The following RAD51B variants were observed in gnomAD, a reference collection of about 807,000 sequenced individuals.
The protein encoded by RAD51B is RAD51 paralog B, also known as DNA repair protein RAD51 homolog 2.
In RAD51B, 38 loss-of-function variants were observed where a neutral mutation model predicts 42.2. That is an observed-to-expected ratio of 0.90 (90% CI 0.70 to 1.18). RAD51B has a LOEUF of 1.18. Ranked by LOEUF, RAD51B falls within the 50% of genes most tolerant of loss-of-function variation. The pLI, the probability that RAD51B is intolerant of heterozygous loss-of-function variation, is 0.00. For missense variants in RAD51B, 373 were observed against 400.7 expected (o/e 0.93, Z 0.59); for synonymous variants, 154 against 145.2 (o/e 1.06, Z -0.43).
chr14:68,431,000 C>T (rs192351025), intron 9 of RAD51B, among the ~76,000 whole-genome samples: 272 of 152,140 alleles, frequency 1.8e-3, no homozygotes, highest in African/African-American at 6.3e-3. Flanking sequence ...CTGCATCTAC[C>T]GATATAATCA....
At chr14:67,837,852 T>A (rs1279804106) in intron 4 of RAD51B, among the ~76,000 whole-genome samples, 5 of 152,210 alleles carry the variant, frequency 3.3e-5, no homozygotes, top group African/African-American at 9.6e-5. Flanking sequence ...TAAATTGTTG[T>A]AAATTATAGT....
Position 68,089,274 on chromosome 14 carries a change from G to A in RAD51B, c.756+202070G>A, listed in dbSNP as rs949712884. ...CCAGCTACTGAACACAAAGGCTGAC[G>A]GTGTTGTCCCTCCTGGTAATGTACT... On this transcript the variant is annotated intron_variant, in intron 7 of 10. Transcript: ENST00000471583. 1.2e-4 allele frequency among the ~76,000 whole-genome samples: 19 copies of A among 152,094 alleles called. 1 individual carries two copies. The highest frequency in any genetic ancestry group is 1.5e-5 in the Non-Finnish European group (1 of 68,022).
At chr14:68,068,111 T>A (rs1300290393) in intron 7 of RAD51B, among the ~76,000 whole-genome samples, 3 of 152,064 alleles carry the variant, frequency 2.0e-5, no homozygotes, top group Non-Finnish European at 4.4e-5. Context: ...AATTTTTAGA[T>A]CAATGAAAAC....
intron 7 of RAD51B, among the ~76,000 whole-genome samples, chr14:68,162,367 A>G (rs905554719): frequency 2.0e-5 from 3 of 152,200 alleles, no homozygotes; most frequent in African/African-American, 7.2e-5. Context: ...TTTTTCTTAA[A>G]ATAGAAATCT....
chr14:67,916,888 G>A (rs1389788089), intron 7 of RAD51B, among the ~76,000 whole-genome samples: 3 of 152,144 alleles, frequency 2.0e-5, no homozygotes, highest in Admixed American at 6.5e-5. Flanking sequence ...GGTAGAGGAC[G>A]GAGGATGGGG....
At chr14:68,285,081 C>T (rs1444105870) in intron 7 of RAD51B, among the ~76,000 whole-genome samples, 1 of 152,144 alleles carries the variant, frequency 6.6e-6, no homozygotes, top group Non-Finnish European at 1.5e-5. Context: ...GGGCAGACAC[C>T]GTCATGGTTG....
chr14:67,964,493 T>C (rs984252380), intron 7 of RAD51B, among the ~76,000 whole-genome samples: 2 of 152,188 alleles, frequency 1.3e-5, no homozygotes, highest in African/African-American at 4.8e-5. Flanking sequence ...TATTTAGTTA[T>C]GATTTCAACA....
intron 10 of RAD51B, among the ~76,000 whole-genome samples, chr14:68,476,721 C>T (rs1882646943): frequency 6.6e-6 from 1 of 152,182 alleles, no homozygotes; most frequent in African/African-American, 2.4e-5. Context: ...TCTGTTTCCT[C>T]ACACATGCCA....
chr14:67,976,772 A>G, intron 7 of RAD51B, among the ~76,000 whole-genome samples: 1 of 152,218 alleles, frequency 6.6e-6, no homozygotes. Flanking sequence ...ATCAGAGTGA[A>G]CAGGCATCGT....
chr14:68,250,119 G>A (rs1202417531), intron 7 of RAD51B, among the ~76,000 whole-genome samples: 1 of 152,186 alleles, frequency 6.6e-6, no homozygotes, highest in African/African-American at 2.4e-5. Flanking sequence ...CTGAACTTTA[G>A]TCTGGCTTGG....
At chr14:68,014,537 A>T (rs1195937884) in intron 7 of RAD51B, among the ~76,000 whole-genome samples, 1 of 152,068 alleles carries the variant, frequency 6.6e-6, no homozygotes, top group Non-Finnish European at 1.5e-5. Context: ...AGTGTTTAAC[A>T]TCTTTTTTGA....
At chr14:68,430,421 C>T (rs2084972112) in intron 9 of RAD51B, among the ~76,000 whole-genome samples, 1 of 152,190 alleles carries the variant, frequency 6.6e-6, no homozygotes, top group East Asian at 1.9e-4. Context: ...TCTTTTATTT[C>T]ATTGACCAGT....
At position 68,151,607 on chromosome 14, in the gene RAD51B, G is replaced by GTT. The variant is rs200584277; in HGVS notation, c.757-140272_757-140271dup. Among the ~76,000 whole-genome samples the GTT allele has an allele frequency of 3.7e-3, 553 of 151,192 alleles. 1 individual carries two copies. Among genetic ancestry groups the GTT allele is most frequent in the Middle Eastern group, 6.8e-3 (2 of 294 alleles). On this transcript the variant is annotated intron_variant, in intron 7 of 10. Transcript: ENST00000471583. ...CCCACAGCTCCATTCATTTTTCTTG[G>GTT]TTTTTTGTGTGTGTGTGTGTGTGTT... is the stretch of plus-strand genomic sequence containing the variant.
intron 7 of RAD51B, among the ~76,000 whole-genome samples, chr14:68,028,555 G>A (rs956319290): frequency 6.6e-6 from 1 of 152,158 alleles, no homozygotes; most frequent in Non-Finnish European, 1.5e-5. Flanking sequence ...CACAGCCCTG[G>A]GGTGCCGGGA....
At chr14:68,089,038 T>G (rs2077046708) in intron 7 of RAD51B, among the ~76,000 whole-genome samples, 2 of 152,206 alleles carry the variant, frequency 1.3e-5, no homozygotes, top group African/African-American at 4.8e-5. Flanking sequence ...CTCATCATTT[T>G]CTGCTTTTCA....
chr14:68,419,686 C>T (rs1252574273), intron 9 of RAD51B, among the ~76,000 whole-genome samples: 2 of 152,208 alleles, frequency 1.3e-5, no homozygotes, highest in African/African-American at 2.4e-5. Flanking sequence ...TCCCTAGTCC[C>T]CATCTTCATA....
chr14:68,069,519 T>C (rs918169395), intron 7 of RAD51B: 2 of 152,156 alleles, frequency 1.3e-5, no homozygotes, highest in African/African-American at 4.8e-5. Flanking sequence ...CCCCCACTTA[T>C]AAGTGAGAAC....
intron 9 of RAD51B, among the ~76,000 whole-genome samples, chr14:68,455,784 G>A (rs2085670819): frequency 6.6e-6 from 1 of 152,096 alleles, no homozygotes; most frequent in Non-Finnish European, 1.5e-5. Flanking sequence ...GTAGGTAAAT[G>A]CAAAAGACAA....
At chr14:68,229,170 G>C (rs1402319001) in intron 7 of RAD51B, among the ~76,000 whole-genome samples, 1 of 152,182 alleles carries the variant, frequency 6.6e-6, no homozygotes, top group Non-Finnish European at 1.5e-5. Flanking sequence ...TTGTAAACAA[G>C]CTTCTCTAGA....
Sources: allele counts gnomAD v4.1 joint callset (sites outside exome capture counted in the v4.1 genomes callset), GRCh38; gene constraint gnomAD v4.1.1; transcripts MANE v1.5; gene names NCBI Gene and HGNC (gene_info 2026-07-23, HGNC 2026-07-21).